The following MAGI2 variants were observed in gnomAD, a reference collection of about 807,000 sequenced individuals.
MAGI2 encodes membrane associated guanylate kinase, WW and PDZ domain containing 2.
A neutral mutation model predicts 133.3 loss-of-function variants in MAGI2; 35 were observed. The ratio of observed to expected loss-of-function variants is 0.26; its 90% CI spans 0.20 to 0.35. The LOEUF (loss-of-function observed/expected upper bound fraction) is 0.35. MAGI2 is among the 10% of genes least tolerant of loss of function. The pLI, the probability that MAGI2 is intolerant of heterozygous loss-of-function variation, is 1.00. For synonymous variants in MAGI2, 729 were observed against 710.6 expected, an observed-to-expected ratio of 1.03 and a Z score of -0.41; for missense variants, 1,636 against 1,863.4, an observed-to-expected ratio of 0.88 and a Z score of 2.25.
chr7:78,077,242 G>A (rs1368977591), intron 21 of MAGI2, among the ~76,000 whole-genome samples: 10 of 152,052 alleles, frequency 6.6e-5, no homozygotes, highest in Admixed American at 6.6e-4. Flanking sequence ...CATTAAAGGT[G>A]GTATGTTTTA....
At chr7:78,401,302 A>T (rs1343106283) in intron 6 of MAGI2, among the ~76,000 whole-genome samples, 1 of 152,148 alleles carries the variant, frequency 6.6e-6, no homozygotes, top group Non-Finnish European at 1.5e-5. Flanking sequence ...AGCAACCTTG[A>T]CCTTGCCACA....
intron 13 of MAGI2, among the ~76,000 whole-genome samples, chr7:78,181,960 T>C (rs1410587547): frequency 1.3e-5 from 2 of 152,232 alleles, no homozygotes; most frequent in Non-Finnish European, 1.5e-5. Flanking sequence ...TGATTAATTT[T>C]ATGAATGGAT....
chr7:78,158,559 G>A (rs62461236), intron 16 of MAGI2, among the ~76,000 whole-genome samples: 19,377 of 152,010 alleles, frequency 0.13, 1,252 homozygotes, highest in East Asian at 0.17. Context: ...AATTGTAACC[G>A]AGGAAACTAT....
intron 10 of MAGI2, among the ~76,000 whole-genome samples, chr7:78,227,575 G>A (rs1189203802): frequency 2.0e-5 from 3 of 152,124 alleles, no homozygotes; most frequent in Non-Finnish European, 4.4e-5. Flanking sequence ...CTTTTCCTAA[G>A]TTCCTCTCAC....
At chr7:78,249,590 A>G (rs151152899) in intron 10 of MAGI2, among the ~76,000 whole-genome samples, 2 of 152,140 alleles carry the variant, frequency 1.3e-5, no homozygotes, top group Admixed American at 6.5e-5. Context: ...ACATTACATT[A>G]AGTATGCCAG....
At position 79,084,500 on chromosome 7, in the gene MAGI2, G is replaced by GT. The variant is rs562804011; in HGVS notation, c.302-77295dup. 5.7e-4 allele frequency among the ~76,000 whole-genome samples: 87 copies of GT among 151,528 alleles called. No homozygotes were observed. The Middle Eastern group carries it at 0.014, about 24-fold the overall frequency. ...TAATCATTTATAATTTTATTCCATT[G>GT]TATTTAAGAAAATATGTTAAATGAC... On this transcript the variant is annotated intron_variant, in intron 1 of 21. Coordinates refer to ENST00000354212, the MANE Select transcript of MAGI2 (RefSeq NM_012301.4).
chr7:78,447,454 A>G (rs144922320), intron 6 of MAGI2, among the ~76,000 whole-genome samples: 3,409 of 152,092 alleles, frequency 0.022, 117 homozygotes, highest in African/African-American at 0.077. Context: ...TTTTTGGTAG[A>G]AATTATCTGG....
At chr7:79,388,147 G>C (rs1047097394) in intron 1 of MAGI2, among the ~76,000 whole-genome samples, 2 of 151,734 alleles carry the variant, frequency 1.3e-5, no homozygotes, top group African/African-American at 2.4e-5. Context: ...CTTTGGCTCT[G>C]GTATAATTCT....
intron 2 of MAGI2, among the ~76,000 whole-genome samples, chr7:78,832,195 TC>T (rs1791229812): frequency 6.6e-6 from 1 of 152,148 alleles, no homozygotes; most frequent in Non-Finnish European, 1.5e-5. Flanking sequence ...TCTTAAATAT[TC>T]CTTACAGATA....
At chr7:78,208,135 CTTTTTTT>C (rs71085515) in intron 10 of MAGI2, among the ~76,000 whole-genome samples, 1 of 115,588 alleles carries the variant, frequency 8.7e-6, no homozygotes. Context: ...CCCAAAGTGG[CTTTTTTT>C]TTTTTTTTTT....
Position 79,453,439 on chromosome 7 carries a change from GC to G in MAGI2, c.-120del. 1 of 1,493,814 alleles carries G rather than the reference GC, an allele frequency of 6.7e-7. No individual in the cohort carries two copies. Among genetic ancestry groups the G allele is most frequent in the Non-Finnish European group, 8.9e-7 (1 of 1,129,384 alleles). 92.5% of individuals were successfully genotyped at this position (1,493,814 alleles called of 1,614,324 possible). A position where few individuals can be genotyped will look rare whatever the true frequency, so the allele number is the denominator to read the frequency against. On this transcript the variant is annotated 5_prime_UTR_variant, in exon 1 of 22. Coordinates refer to ENST00000354212, the MANE Select transcript of MAGI2 (RefSeq NM_012301.4). The stretch of plus-strand genomic sequence containing the variant: ...GGGAAGAACAGCAGACTTTGCCTTC[GC>G]CCCCCTCTATTCGGTGCTTTCCCTC...
Position 79,445,693 on chromosome 7 carries a change from C to T in MAGI2, c.301+7327G>A, listed in dbSNP as rs575817137. Among the ~76,000 whole-genome samples, 1,071 of 152,168 alleles carry T rather than the reference C, an allele frequency of 7.0e-3. 11 individuals carry two copies. The highest frequency in any genetic ancestry group is 0.025 in the African/African-American group (1,029 of 41,494). On this transcript the variant is annotated intron_variant, in intron 1 of 21. Coordinates refer to ENST00000354212, the MANE Select transcript of MAGI2 (RefSeq NM_012301.4). ...AGGCGCTGGAGAGGATGTGGAGAAACAGGAACACTTTTACACTGTTGGTGG... is the reference window on the plus strand; with the variant it reads ...AGGCGCTGGAGAGGATGTGGAGAAATAGGAACACTTTTACACTGTTGGTGG...
At chr7:78,423,361 G>A (rs986154392) in intron 6 of MAGI2, among the ~76,000 whole-genome samples, 36 of 152,220 alleles carry the variant, frequency 2.4e-4, no homozygotes, top group African/African-American at 8.7e-4. Flanking sequence ...CCCCAGCCAT[G>A]TGGAACTGTA....
intron 2 of MAGI2, among the ~76,000 whole-genome samples, chr7:78,894,867 A>T (rs1797078775): frequency 1.3e-5 from 2 of 152,222 alleles, no homozygotes; most frequent in Non-Finnish European, 2.9e-5. Flanking sequence ...TACTTCCAAC[A>T]GTATTTAATA....
intron 9 of MAGI2, 94 bp from the exon 10 acceptor site, chr7:78,256,675 G>T (rs1030720376): frequency 9.7e-7 from 1 of 1,032,826 alleles, no homozygotes; most frequent in Non-Finnish European, 1.4e-6. Flanking sequence ...GAGAGGTGTT[G>T]TTTCTTAGTA....
chr7:79,289,268 A>AT (rs928982233), intron 1 of MAGI2, among the ~76,000 whole-genome samples: 13 of 152,260 alleles, frequency 8.5e-5, no homozygotes, highest in African/African-American at 2.9e-4. Flanking sequence ...TCTTGATCTC[A>AT]TGCTCTCATA....
intron 1 of MAGI2, among the ~76,000 whole-genome samples, chr7:79,130,428 G>A (rs1388286289): frequency 1.3e-5 from 2 of 152,000 alleles, no homozygotes; most frequent in East Asian, 1.9e-4. Context: ...AAGATTATTC[G>A]GCTTTTCTTT....
chr7:78,271,229 G>A (rs1794542120), intron 9 of MAGI2, among the ~76,000 whole-genome samples: 1 of 152,172 alleles, frequency 6.6e-6, no homozygotes, highest in Non-Finnish European at 1.5e-5. Flanking sequence ...AGATAATCAT[G>A]TGGTTTTTGT....
At chr7:78,720,567 C>T (rs552179781) in intron 2 of MAGI2, among the ~76,000 whole-genome samples, 29 of 151,606 alleles carry the variant, frequency 1.9e-4, no homozygotes, top group Admixed American at 4.6e-4. Flanking sequence ...AGAATAATCT[C>T]TTACATTTAA....
Sources: gnomAD v4.1 joint callset for allele counts (sites outside exome capture counted in the v4.1 genomes callset) on GRCh38, gnomAD v4.1.1 for gene constraint, MANE v1.5 for transcripts, NCBI Gene and HGNC (gene_info 2026-07-23, HGNC 2026-07-21) for gene names.